The following PGPEP1L variants were observed in gnomAD, a reference collection of about 807,000 sequenced individuals.
PGPEP1L encodes the protein pyroglutamyl-peptidase 1-like protein.
Under a neutral mutation model 6.0 loss-of-function variants are expected in PGPEP1L, and 7 were observed. The ratio of observed to expected loss-of-function variants is 1.17; its 90% CI spans 0.66 to 2.19. PGPEP1L has a LOEUF of 2.19. Ranked by LOEUF, PGPEP1L falls within the 30% of genes most tolerant of loss-of-function variation. The pLI is 0.00. For missense variants in PGPEP1L, 209 were observed against 192.5 expected (o/e 1.09, Z -0.51); for synonymous variants, 103 against 83.9 (o/e 1.23, Z -1.24).
At chr15:99,005,828 G>A (rs116687774) in intron 1 of PGPEP1L, among the ~76,000 whole-genome samples, 172 bp from the exon 2 acceptor site, 3,309 of 152,266 alleles carry the variant, frequency 0.022, 125 homozygotes, top group African/African-American at 0.074. Context: ...CGGTTTGCCT[G>A]GGACAGAAGG....
intron 2 of PGPEP1L, among the ~76,000 whole-genome samples, chr15:98,977,721 G>C (rs1246093080): frequency 6.6e-6 from 1 of 152,180 alleles, no homozygotes; most frequent in Non-Finnish European, 1.5e-5. Flanking sequence ...AAAGTCTGCT[G>C]TATCCTTTTT....
At chr15:98,980,129 T>G (rs566813495) in intron 2 of PGPEP1L, among the ~76,000 whole-genome samples, 1 of 152,246 alleles carries the variant, frequency 6.6e-6, no homozygotes, top group African/African-American at 2.4e-5. Flanking sequence ...AAATCACCAC[T>G]AAAGAACTTA....
At chr15:98,982,425 G>A (rs2017677928) in intron 2 of PGPEP1L, among the ~76,000 whole-genome samples, 1 of 152,218 alleles carries the variant, frequency 6.6e-6, no homozygotes, top group Non-Finnish European at 1.5e-5. Flanking sequence ...CAAGGCCAGA[G>A]TGAACTGTGT....
At chr15:98,978,710 AT>A (rs1434416658) in intron 2 of PGPEP1L, among the ~76,000 whole-genome samples, 9 of 36,396 alleles carry the variant, frequency 2.5e-4, no homozygotes, top group Middle Eastern at 0.014. Context: ...GACTGTGTAT[AT>A]ATATATATAT....
Position 98,968,828 on chromosome 15 carries a change from T to G in PGPEP1L, c.210-131A>C, listed in dbSNP as rs971107911. ...ACTGCCACCCAAGGGAGACTTGTGT[T>G]GTTTCACCTCAGAAAGAACATGGTG... On this transcript the variant is annotated intron_variant, in intron 4 of 4. Transcript: ENST00000535714. 50 of 828,272 alleles carry G rather than the reference T, an allele frequency of 6.0e-5. No homozygotes were observed. The African/African-American group carries it at 7.7e-4, about 13-fold the overall frequency. The allele number at this position is 828,272 out of a possible 1,614,324, so 51.3% of individuals were successfully genotyped here. A position where few individuals can be genotyped will look rare whatever the true frequency, so the allele number is the denominator to read the frequency against.
Position 98,972,661 on chromosome 15 carries a change from G to T in PGPEP1L, c.-141-1503C>A, listed in dbSNP as rs536112128. 6.6e-5 allele frequency among the ~76,000 whole-genome samples: 10 copies of T among 152,002 alleles called. No homozygotes were observed. In the South Asian group the frequency reaches 1.9e-3, roughly 28 times the overall value. ...TGGTGGGTGGATCACGAGGTCAGGA[G>T]ATCAAGACCATCCTGGCTAACACAG... On this transcript the variant is annotated intron_variant, in intron 2 of 4. Transcript: ENST00000535714.
chr15:99,007,450 G>A lies in PGPEP1L; in HGVS notation c.-461C>T, dbSNP rs1308432230. 2.0e-5 allele frequency: 3 copies of A among 152,448 alleles called. No homozygotes were observed. The highest frequency in any genetic ancestry group is 1.9e-4 in the East Asian group (1 of 5,186). The allele number at this position is 152,448 out of a possible 1,614,324, so 9.4% of individuals were successfully genotyped here. A position where few individuals can be genotyped will look rare whatever the true frequency, so the allele number is the denominator to read the frequency against. On this transcript the variant is annotated 5_prime_UTR_variant, in exon 1 of 5. Coordinates refer to ENST00000535714, the MANE Select transcript of PGPEP1L (RefSeq NM_001167902.2). ...GCGGACCCTGGCGGTGAGTGTTACAGTTTTTAAAGGCAGCGTGTCCCAAGT... is the reference window on the plus strand; with the variant it reads ...GCGGACCCTGGCGGTGAGTGTTACAATTTTTAAAGGCAGCGTGTCCCAAGT...
chr15:98,982,363 CTTG>C (rs2017677132), intron 2 of PGPEP1L, among the ~76,000 whole-genome samples: 1 of 150,908 alleles, frequency 6.6e-6, no homozygotes, highest in Non-Finnish European at 1.5e-5. Flanking sequence ...CTTGTGGATT[CTTG>C]TGTCATTTCG....
In PGPEP1L at chr15:99,003,375, G is replaced by A. The variant is rs376551551; in HGVS notation, c.-142+2054C>T. On this transcript the variant is annotated intron_variant, in intron 2 of 4. Transcript: ENST00000535714. ...AGAAAAATCAACTCTGCAAGTGAAG[G>A]TTTGAAGCTCTTGTGTTTCAAGTTC... Among the ~76,000 whole-genome samples the A allele has an allele frequency of 4.0e-5, 6 of 151,216 alleles. No individual in the cohort carries two copies. In the East Asian group the frequency reaches 7.7e-4, roughly 19 times the overall value.
At chr15:98,993,662 C>T (rs1303314365) in intron 2 of PGPEP1L, among the ~76,000 whole-genome samples, 5 of 21,454 alleles carry the variant, frequency 2.3e-4, no homozygotes, top group South Asian at 1.7e-3. Flanking sequence ...CATCACACAC[C>T]GGGGCCTGTC....
intron 2 of PGPEP1L, among the ~76,000 whole-genome samples, chr15:99,000,198 T>C (rs958641719): frequency 6.6e-6 from 1 of 152,188 alleles, no homozygotes; most frequent in African/African-American, 2.4e-5. Flanking sequence ...TCTGGGCCAG[T>C]AGCTGCTGTG....
intron 2 of PGPEP1L, among the ~76,000 whole-genome samples, chr15:99,001,853 G>A (rs1345520044): frequency 6.6e-6 from 1 of 152,032 alleles, no homozygotes; most frequent in Non-Finnish European, 1.5e-5. Context: ...AAGTAGCTGG[G>A]GTTACAGGTG....
intron 2 of PGPEP1L, among the ~76,000 whole-genome samples, chr15:98,996,470 G>A (rs1687953517): frequency 2.6e-5 from 4 of 152,160 alleles, no homozygotes; most frequent in Middle Eastern, 6.8e-3. Flanking sequence ...GAAGCTCTTG[G>A]TATGTGTATA....
At chr15:98,999,875 G>A (rs1555472784) in intron 2 of PGPEP1L, among the ~76,000 whole-genome samples, 1 of 152,274 alleles carries the variant, frequency 6.6e-6, no homozygotes, top group East Asian at 1.9e-4. Flanking sequence ...CTGAGAAGGT[G>A]ACAGCATGCT....
chr15:98,999,468 C>T (rs1172089714), intron 2 of PGPEP1L, among the ~76,000 whole-genome samples: 3 of 152,218 alleles, frequency 2.0e-5, no homozygotes. Flanking sequence ...CTAGGTCACT[C>T]ACACATTGCT....
chr15:98,974,087 ATAG>A (rs1372011053), intron 2 of PGPEP1L, among the ~76,000 whole-genome samples: 1 of 152,246 alleles, frequency 6.6e-6, no homozygotes, highest in Non-Finnish European at 1.5e-5. Context: ...ATTGGAAAAT[ATAG>A]AAGAAATAGG....
chr15:98,998,958 G>A (rs1018991995), intron 2 of PGPEP1L, among the ~76,000 whole-genome samples: 1 of 151,928 alleles, frequency 6.6e-6, no homozygotes, highest in Admixed American at 6.5e-5. Context: ...CTGGGCGAAA[G>A]AGCAAAACTG....
At chr15:99,002,126 G>A (rs570459025) in intron 2 of PGPEP1L, among the ~76,000 whole-genome samples, 7 of 152,024 alleles carry the variant, frequency 4.6e-5, no homozygotes, top group South Asian at 2.1e-4. Flanking sequence ...ATCCTTCCAC[G>A]TCAGCCTCCC....
Position 99,006,184 on chromosome 15 carries a change from G to A in PGPEP1L, c.-369-528C>T, listed in dbSNP as rs78855786. 6.7e-3 allele frequency among the ~76,000 whole-genome samples: 1,026 copies of A among 152,298 alleles called. 13 individuals carry two copies. The highest frequency in any genetic ancestry group is 0.024 in the African/African-American group (985 of 41,564). On this transcript the variant is annotated intron_variant, in intron 1 of 4. Transcript: ENST00000535714. ...TTTCCTGTTTTGAGAAACGAGGATC[G>A]CAGCACCGGATCCTGTATGGATTCT...
Sources: allele counts gnomAD v4.1 joint callset (sites outside exome capture counted in the v4.1 genomes callset), GRCh38; gene constraint gnomAD v4.1.1; transcripts MANE v1.5; gene names NCBI Gene and HGNC (gene_info 2026-07-23, HGNC 2026-07-21).